ADAMTS17: variants seen among roughly 807,000 people sequenced by gnomAD.
ADAMTS17 encodes A disintegrin and metalloproteinase with thrombospondin motifs 17.
Under a neutral mutation model 141.5 loss-of-function variants are expected in ADAMTS17, and 113 were observed. The observed-to-expected ratio is 0.80, with a 90% CI of 0.69 to 0.93. The LOEUF (loss-of-function observed/expected upper bound fraction) is 0.93, where lower values mean the gene tolerates loss of function less well. Ranked by LOEUF, ADAMTS17 falls within the 40% of genes least tolerant of loss-of-function variation. ADAMTS17 has a pLI of 0.00. For missense variants in ADAMTS17, 1,659 were observed against 1,517.9 expected, an observed-to-expected ratio of 1.09 and a Z score of -1.54; for synonymous variants, 768 against 630.6, an observed-to-expected ratio of 1.22 and a Z score of -3.27.
In ADAMTS17 at chr15:100,294,615, G is replaced by A. The variant is rs574118085; in HGVS notation, c.617-13214C>T. Among the ~76,000 whole-genome samples the A allele has an allele frequency of 1.1e-4, 17 of 151,868 alleles. No homozygotes were observed. The South Asian group carries it at 1.5e-3, about 13-fold the overall frequency. On this transcript the variant is annotated intron_variant, in intron 3 of 21. Transcript: ENST00000268070. ...CCCGGCGACTCAGGAGGCTGAGGTC[G>A]GAGGATCACTTGAGCCCAGAGACTG... is the stretch of plus-strand genomic sequence containing the variant.
intron 12 of ADAMTS17, among the ~76,000 whole-genome samples, chr15:100,126,762 C>A (rs1207650736): frequency 1.3e-5 from 2 of 152,194 alleles, no homozygotes; most frequent in African/African-American, 4.8e-5. Flanking sequence ...AGGCAGTCAG[C>A]ACATTTTATG....
At chr15:100,292,067 ACGC>A in intron 3 of ADAMTS17, among the ~76,000 whole-genome samples, 6 of 132,856 alleles carry the variant, frequency 4.5e-5, no homozygotes, top group African/African-American at 1.5e-4. Flanking sequence ...GTCACGAGAG[ACGC>A]TCAGCCCGTG....
At chr15:100,221,977 C>T (rs995866699) in intron 7 of ADAMTS17, among the ~76,000 whole-genome samples, 1 of 152,198 alleles carries the variant, frequency 6.6e-6, no homozygotes, top group African/African-American at 2.4e-5. Context: ...AGGCCATCAT[C>T]ACACAGAGGC....
intron 18 of ADAMTS17, among the ~76,000 whole-genome samples, chr15:100,043,113 G>A (rs1265675960): frequency 2.6e-5 from 4 of 152,122 alleles, no homozygotes; most frequent in East Asian, 1.9e-4. Flanking sequence ...CATGGCACTC[G>A]CATATCCAGT....
At chr15:99,982,649 C>A (rs2060504681) in intron 20 of ADAMTS17, among the ~76,000 whole-genome samples, 1 of 152,242 alleles carries the variant, frequency 6.6e-6, no homozygotes, top group South Asian at 2.1e-4. Flanking sequence ...ATCATCCAAG[C>A]AAACAGATCT....
chr15:100,201,892 G>A (rs543263618), intron 7 of ADAMTS17, among the ~76,000 whole-genome samples: 4 of 152,320 alleles, frequency 2.6e-5, no homozygotes, highest in Admixed American at 6.5e-5. Context: ...ATGGAATACT[G>A]CTACACAGCC....
intron 7 of ADAMTS17, among the ~76,000 whole-genome samples, chr15:100,219,784 TG>T (rs1468026477): frequency 2.0e-5 from 3 of 152,214 alleles, no homozygotes; most frequent in Non-Finnish European, 4.4e-5. Flanking sequence ...GCTAGAAACC[TG>T]GAAGCATTCA....
chr15:100,205,527 A>T (rs2041508360), intron 7 of ADAMTS17, among the ~76,000 whole-genome samples: 1 of 152,170 alleles, frequency 6.6e-6, no homozygotes, highest in South Asian at 2.1e-4. Flanking sequence ...GGGGTTCTCC[A>T]GGGAGCAATG....
At chr15:100,133,834 G>A (rs1300977924) in intron 10 of ADAMTS17, among the ~76,000 whole-genome samples, 1 of 152,240 alleles carries the variant, frequency 6.6e-6, no homozygotes, top group African/African-American at 2.4e-5. Context: ...TACCCCGACA[G>A]GGTTACAGGG....
At chr15:100,331,095 C>A in intron 2 of ADAMTS17, 41 bp from the exon 3 acceptor site, 1 of 1,612,438 alleles carries the variant, frequency 6.2e-7, no homozygotes, top group East Asian at 2.2e-5. Context: ...CGGTCATCCT[C>A]ACTCACACAC....
rs181160602 is a variant in ADAMTS17 at position 100,197,194 on chromosome 15, C to G, written c.1181+2124G>C. ...TGTCTGATGAGAAAAGACCTCCATG[C>G]GGCATGTGTGCGCCCACACGTATGT... On this transcript the variant is annotated intron_variant, in intron 8 of 21. Coordinates refer to ENST00000268070, the MANE Select transcript of ADAMTS17 (RefSeq NM_139057.4). Among the ~76,000 whole-genome samples the G allele has an allele frequency of 6.6e-5, 10 of 152,336 alleles. No individual in the cohort carries two copies. In the East Asian group the frequency reaches 1.7e-3, roughly 26 times the overall value.
At chr15:100,181,960 C>A (rs909888109) in intron 8 of ADAMTS17, among the ~76,000 whole-genome samples, 1 of 152,176 alleles carries the variant, frequency 6.6e-6, no homozygotes, top group East Asian at 1.9e-4. Flanking sequence ...GCACTTTAGC[C>A]CACGAAGGCG....
rs184386998 is a variant in ADAMTS17 at position 100,014,182 on chromosome 15, A to G, written c.2592-16593T>C. ...CTAGTTTATGTACATAAAGATGTTCACAGTAGCCTTGAATAATCTTTCACA... is the reference window on the plus strand; with the variant it reads ...CTAGTTTATGTACATAAAGATGTTCGCAGTAGCCTTGAATAATCTTTCACA... On this transcript the variant is annotated intron_variant, in intron 18 of 21. Coordinates refer to ENST00000268070, the MANE Select transcript of ADAMTS17 (RefSeq NM_139057.4). Among the ~76,000 whole-genome samples, 1,255 of 152,304 alleles carry G rather than the reference A, an allele frequency of 8.2e-3. 5 individuals carry two copies. Among genetic ancestry groups the G allele is most frequent in the Middle Eastern group, 0.02 (6 of 294 alleles).
chr15:100,217,240 C>A (rs2041997010), intron 7 of ADAMTS17, among the ~76,000 whole-genome samples: 1 of 152,162 alleles, frequency 6.6e-6, no homozygotes, highest in African/African-American at 2.4e-5. Flanking sequence ...ACTGGATATC[C>A]ATATGCAAGA....
chr15:100,194,512 T>TA (rs1367714732), intron 8 of ADAMTS17, among the ~76,000 whole-genome samples: 6 of 152,220 alleles, frequency 3.9e-5, no homozygotes, highest in Non-Finnish European at 8.8e-5. Context: ...ACACTAAAGT[T>TA]ACTGCCAACT....
At chr15:100,238,327 A>G (rs2042722255) in intron 7 of ADAMTS17, among the ~76,000 whole-genome samples, 1 of 152,128 alleles carries the variant, frequency 6.6e-6, no homozygotes, top group African/African-American at 2.4e-5. Context: ...CACACTCTAG[A>G]GTGTACTTAC....
rs188501370 is a variant in ADAMTS17, at chr15:100,016,469, C to A, written c.2592-18880G>T. Among the ~76,000 whole-genome samples the A allele has an allele frequency of 3.8e-3, 586 of 152,268 alleles. 3 individuals are homozygous for A. Among genetic ancestry groups the A allele is most frequent in the African/African-American group, 0.013 (524 of 41,548 alleles). On this transcript the variant is annotated intron_variant, in intron 18 of 21. Transcript: ENST00000268070. ...TTGTCATATTACCAGAGTTGGTTTTCTAGTTCCTTCTCATTTGGGCAGACT... is the reference window on the plus strand; with the variant it reads ...TTGTCATATTACCAGAGTTGGTTTTATAGTTCCTTCTCATTTGGGCAGACT...
At chr15:100,150,910 T>C (rs1245499324) in intron 10 of ADAMTS17, among the ~76,000 whole-genome samples, 1 of 152,162 alleles carries the variant, frequency 6.6e-6, no homozygotes, top group Non-Finnish European at 1.5e-5. Context: ...CCCTGAAACC[T>C]GCTCTTTACT....
chr15:100,008,354 G>T (rs1260426996), intron 18 of ADAMTS17, among the ~76,000 whole-genome samples: 5 of 152,158 alleles, frequency 3.3e-5, no homozygotes, highest in Non-Finnish European at 5.9e-5. Context: ...CCAAGAGGTA[G>T]AAGCAGCCAC....
Sources: gnomAD v4.1 joint callset for allele counts (sites outside exome capture counted in the v4.1 genomes callset) on GRCh38, gnomAD v4.1.1 for gene constraint, MANE v1.5 for transcripts, NCBI Gene and HGNC (gene_info 2026-07-23, HGNC 2026-07-21) for gene names.